RGS9: variants seen among roughly 807,000 people sequenced by gnomAD.
The protein encoded by RGS9 is regulator of G protein signaling 9.
Under a neutral mutation model 102.0 loss-of-function variants are expected in RGS9, and 78 were observed. The observed-to-expected ratio is 0.76, with a 90% CI of 0.64 to 0.92. The LOEUF is 0.92. RGS9 is among the 40% of genes least tolerant of loss of function. The pLI, the probability that RGS9 is intolerant of heterozygous loss-of-function variation, is 0.00. For synonymous variants in RGS9, 353 were observed against 318.6 expected (o/e 1.11, Z -1.15); for missense variants, 833 against 866.1 (o/e 0.96, Z 0.48).
In RGS9 at chr17:65,168,184, G is replaced by T; in HGVS notation, c.501-16G>T. On this transcript the variant is annotated splice_polypyrimidine_tract_variant and intron_variant, in intron 7 of 18. Coordinates refer to ENST00000262406, the MANE Select transcript of RGS9 (RefSeq NM_003835.4). ...CAAAGTCTTCCTGGCCTTACACGTG[G>T]CTTTTGGCTTTCCAGGGCTGGAAAG... 1 of 1,593,736 alleles carries T rather than the reference G, an allele frequency of 6.3e-7. No homozygotes were observed. Among genetic ancestry groups the T allele is most frequent in the Non-Finnish European group, 8.6e-7 (1 of 1,166,178 alleles).
intron 9 of RGS9, among the ~76,000 whole-genome samples, chr17:65,182,195 C>T (rs1911911073): frequency 6.6e-6 from 1 of 152,220 alleles, no homozygotes; most frequent in South Asian, 2.1e-4. Context: ...CAGAGGTGCT[C>T]AGCCTGGAGC....
In RGS9 at chr17:65,163,362, A is replaced by G. The variant is rs553374072; in HGVS notation, c.500+273A>G. Among the ~76,000 whole-genome samples the G allele has an allele frequency of 2.7e-5, 4 of 150,754 alleles. No individual in the cohort carries two copies. The East Asian group carries it at 7.8e-4, about 29-fold the overall frequency. ...CTAATTTTTATTTATTATTATTATT[A>G]TTTGTATTTTTAGTAGAGACGGGGT... On this transcript the variant is annotated intron_variant, in intron 7 of 18. Coordinates refer to ENST00000262406, the MANE Select transcript of RGS9 (RefSeq NM_003835.4).
Position 65,153,523 on chromosome 17 carries a change from T to C in RGS9, c.154+5T>C. On this transcript the variant is annotated splice_donor_5th_base_variant and intron_variant, in intron 2 of 18. Transcript: ENST00000262406. ...GCGTTCCTCATGCCATGACAGGTGATGTAGCTTGCACTTTAGTCTTGGCCT... is the reference window on the plus strand; with the variant it reads ...GCGTTCCTCATGCCATGACAGGTGACGTAGCTTGCACTTTAGTCTTGGCCT... The C allele has an allele frequency of 6.2e-7, 1 of 1,610,474 alleles. No homozygotes were observed. Among genetic ancestry groups the C allele is most frequent in the Non-Finnish European group, 8.5e-7 (1 of 1,176,602 alleles).
intron 1 of RGS9, among the ~76,000 whole-genome samples, chr17:65,151,632 C>T (rs1202781416): frequency 1.3e-5 from 2 of 152,180 alleles, no homozygotes; most frequent in Non-Finnish European, 2.9e-5. Context: ...TCTCAGAAGC[C>T]CCTTACAGTC....
intron 13 of RGS9, among the ~76,000 whole-genome samples, chr17:65,199,554 C>T (rs1273947347): frequency 1.5e-5 from 2 of 133,620 alleles, no homozygotes; most frequent in African/African-American, 5.8e-5. Flanking sequence ...AGCGCAGTGG[C>T]GTGATCTCAT....
chr17:65,221,756 C>T (rs1379999032), intron 17 of RGS9, among the ~76,000 whole-genome samples: 1 of 152,292 alleles, frequency 6.6e-6, no homozygotes, highest in East Asian at 1.9e-4. Context: ...CTGGTGGAGT[C>T]CCACTTTGTG....
rs748521116 is a variant in RGS9 at position 65,173,025 on chromosome 17, C to T, written c.583-4707C>T. 4.6e-5 allele frequency among the ~76,000 whole-genome samples: 7 copies of T among 151,814 alleles called. No homozygotes were observed. The highest frequency in any genetic ancestry group is 8.8e-5 in the Non-Finnish European group (6 of 67,976). On this transcript the variant is annotated intron_variant, in intron 8 of 18. Transcript: ENST00000262406. This position sits in a 1 kb window ranked among gnomAD's most constrained non-coding sequence, Gnocchi z 4.8. ...GCAACCTTCGCCTCCTGGGTTCCAGCGATTCTCCTGCCTCAGCCTGCCGAG... is the reference window on the plus strand; with the variant it reads ...GCAACCTTCGCCTCCTGGGTTCCAGTGATTCTCCTGCCTCAGCCTGCCGAG...
At chr17:65,227,172 T>G (rs1309356297) in intron 18 of RGS9, 103 bp from the exon 19 acceptor site, 5 of 1,535,326 alleles carry the variant, frequency 3.3e-6, no homozygotes, top group Non-Finnish European at 3.6e-6. Context: ...CTTTGGCAAA[T>G]GCACCTGGTA....
intron 17 of RGS9, among the ~76,000 whole-genome samples, chr17:65,211,485 C>T (rs1913297344): frequency 6.6e-6 from 1 of 152,178 alleles, no homozygotes; most frequent in Non-Finnish European, 1.5e-5. Context: ...TGGTAGACAT[C>T]GAGATGAGTG....
At chr17:65,157,164 CT>C (rs1910799347) in intron 2 of RGS9, among the ~76,000 whole-genome samples, 2 of 152,118 alleles carry the variant, frequency 1.3e-5, no homozygotes, top group South Asian at 4.1e-4. Context: ...TGGCCCTCTT[CT>C]TTGATGTGTT....
At chr17:65,206,137 T>C (rs988826976) in intron 15 of RGS9, among the ~76,000 whole-genome samples, 5 of 152,212 alleles carry the variant, frequency 3.3e-5, no homozygotes, top group Admixed American at 2.6e-4. Flanking sequence ...TTTCCTGATT[T>C]ATATTTCTTC....
chr17:65,198,966 T>A (rs1912708796), intron 13 of RGS9, among the ~76,000 whole-genome samples: 1 of 152,280 alleles, frequency 6.6e-6, no homozygotes, highest in East Asian at 1.9e-4. Context: ...AGTGACAACA[T>A]ACACCCTGAA....
chr17:65,211,294 G>A (rs1019394484), intron 17 of RGS9, among the ~76,000 whole-genome samples: 4 of 152,204 alleles, frequency 2.6e-5, no homozygotes, highest in Non-Finnish European at 4.4e-5. Flanking sequence ...CTCCTGTTGA[G>A]TTTGTTCTTA....
intron 8 of RGS9, among the ~76,000 whole-genome samples, chr17:65,168,567 T>G (rs924429672): frequency 6.6e-5 from 9 of 136,916 alleles, no homozygotes; most frequent in African/African-American, 2.6e-4. Context: ...TTTTTTTTTT[T>G]GCTAGGATAT....
At chr17:65,153,276 T>A (rs1457190303) in intron 1 of RGS9, 146 bp from the exon 2 acceptor site, 2 of 763,372 alleles carry the variant, frequency 2.6e-6, no homozygotes, top group African/African-American at 3.4e-5. Context: ...TTAGAGTCAC[T>A]CAGTGCCCAC....
chr17:65,143,277 G>A (rs977915550), intron 1 of RGS9, among the ~76,000 whole-genome samples: 2 of 152,136 alleles, frequency 1.3e-5, no homozygotes, highest in African/African-American at 2.4e-5. Flanking sequence ...AGCTCCAAGC[G>A]TTGATGGGGC....
At chr17:65,183,747 C>G (rs76078024) in intron 9 of RGS9, among the ~76,000 whole-genome samples, 2,374 of 152,278 alleles carry the variant, frequency 0.016, 65 homozygotes, top group African/African-American at 0.052. Context: ...CTTGGCCCCC[C>G]ACCTGAGTTT....
Position 65,227,619 on chromosome 17 carries a change from C to T in RGS9, c.*212C>T, listed in dbSNP as rs577741508. On this transcript the variant is annotated 3_prime_UTR_variant, in exon 19 of 19. Transcript: ENST00000262406. The stretch of plus-strand genomic sequence containing the variant: ...TTCTCCTCTTCCTGACCCTCCCTCC[C>T]CTGGGCAGAAGAAACGCATGTGGAC... 3 of 633,118 alleles carry T rather than the reference C, an allele frequency of 4.7e-6. No individual in the cohort carries two copies. In the South Asian group the frequency reaches 5.6e-5, roughly 12 times the overall value. The allele number at this position is 633,118 out of a possible 1,614,324, so 39.2% of individuals were successfully genotyped here.
chr17:65,154,863 C>T (rs946496944), intron 2 of RGS9, among the ~76,000 whole-genome samples: 1 of 152,196 alleles, frequency 6.6e-6, no homozygotes, highest in Non-Finnish European at 1.5e-5. Flanking sequence ...AATGTGAGGC[C>T]TCCCTCTCTA....
Sources: allele counts gnomAD v4.1 joint callset (sites outside exome capture counted in the v4.1 genomes callset), GRCh38; gene constraint gnomAD v4.1.1; non-coding constraint Gnocchi (gnomAD v3.1); transcripts MANE v1.5; gene names NCBI Gene and HGNC (gene_info 2026-07-23, HGNC 2026-07-21).